Variants in CLSTN3 observed in about 807,000 individuals in gnomAD.
CLSTN3 encodes calsyntenin 3.
Under a neutral mutation model 95.9 loss-of-function variants are expected in CLSTN3, and 36 were observed. The ratio of observed to expected loss-of-function variants is 0.38; its 90% confidence interval spans 0.29 to 0.50. The LOEUF is 0.50. Ranked by LOEUF, CLSTN3 falls within the 20% of genes least tolerant of loss-of-function variation. The pLI is 0.95. For synonymous variants in CLSTN3, 481 were observed against 504.0 expected (o/e 0.95, Z 0.61); for missense variants, 1,084 against 1,268.8 (o/e 0.85, Z 2.21).
intron 8 of CLSTN3, chr12:7,138,716 C>T (rs1396548591): frequency 1.3e-5 from 2 of 150,748 alleles, no homozygotes; most frequent in East Asian, 3.9e-4. Context: ...GTTGCAGCCT[C>T]TTCATTATTT....
Position 7,153,434 on chromosome 12 carries a change from C to T in CLSTN3, c.2527+2371C>T, listed in dbSNP as rs191102581. 1.5e-4 allele frequency among the ~76,000 whole-genome samples: 23 copies of T among 152,236 alleles called. No homozygotes were observed. In the East Asian group the frequency reaches 4.4e-3, roughly 29 times the overall value. Reference sequence around the variant, plus strand: ...TGCTGGGATTACAGGTGTGAGCCGCCGCACTTGGACTTGCAGACGCCTTTT... The same window carrying T: ...TGCTGGGATTACAGGTGTGAGCCGCTGCACTTGGACTTGCAGACGCCTTTT... On this transcript the variant is annotated intron_variant, in intron 16 of 17. Transcript: ENST00000266546.
At chr12:7,130,289 G>C (rs1209188562), upstream of CLSTN3, 44 of 661,344 alleles carry the variant, frequency 6.7e-5, no homozygotes, top group Admixed American at 3.0e-4. Context: ...TCCCTCCCCC[G>C]CTGCAGCACC....
At position 7,150,850 on chromosome 12, in the gene CLSTN3, GA is replaced by G; in HGVS notation, c.2392-77del. 2 of 1,548,438 alleles carry G rather than the reference GA, an allele frequency of 1.3e-6. No homozygotes were observed. Among genetic ancestry groups the G allele is most frequent in the Non-Finnish European group, 8.8e-7 (1 of 1,140,934 alleles). On this transcript the variant is annotated intron_variant, in intron 15 of 17. Coordinates refer to ENST00000266546, the MANE Select transcript of CLSTN3 (RefSeq NM_014718.4). This position sits in a 1 kb window ranked among gnomAD's most constrained non-coding sequence, Gnocchi z 4.0. The stretch of plus-strand genomic sequence containing the variant: ...AGAAGGAGATGGGGGCAGTAGTTAG[GA>G]GATGGGGCTGGGGTCTAGAGAAGTG...
rs1245279688 is a variant in CLSTN3 at position 7,143,239 on chromosome 12, A to G, written c.1775A>G (p.His592Arg). 3 of 1,613,864 alleles carry G rather than the reference A, an allele frequency of 1.9e-6. No individual in the cohort carries two copies. Among genetic ancestry groups the G allele is most frequent in the Non-Finnish European group, 1.7e-6 (2 of 1,180,048 alleles). The change falls in exon 12 of 18, where the codon CAT (histidine) becomes CGT (arginine). Residue 592 changes from histidine (H) to arginine (R), a missense_variant. Physicochemically the swap from His to Arg is conservative, Grantham distance 29. Transcript: ENST00000266546. ...GAGACCTTCAACCATGCCCTGCAGCATGTGGCTTACATGAACACTCTGCGC... is the reference window on the plus strand; with the variant it reads ...GAGACCTTCAACCATGCCCTGCAGCGTGTGGCTTACATGAACACTCTGCGC... Reference protein sequence around the residue: ...DVETFNHALQHVAYMNTLRFA... With the variant: ...DVETFNHALQRVAYMNTLRFA...
In CLSTN3 at chr12:7,149,738, C is replaced by G. The variant is rs1335313735; in HGVS notation, c.2245+45C>G. On this transcript the variant is annotated intron_variant, in intron 14 of 17. Transcript: ENST00000266546. The surrounding 1 kb of genome is among the most constrained non-coding windows in gnomAD (Gnocchi z 4.5). ...CTGTCCTCTGTGTGTGTGTGCCCCT[C>G]CCAAAAAGTAAGGGCCTAGGAAGCC... 5 of 1,559,230 alleles carry G rather than the reference C, an allele frequency of 3.2e-6. No homozygotes were observed. The highest frequency in any genetic ancestry group is 3.5e-6 in the Non-Finnish European group (4 of 1,145,884).
chr12:7,132,693 T>C, intron 1 of CLSTN3: 14 of 576,864 alleles, frequency 2.4e-5, no homozygotes, highest in Middle Eastern at 4.6e-4. Flanking sequence ...CTCCATTCTC[T>C]AGCACGTGAA....
In CLSTN3 at chr12:7,149,018, T is replaced by C. The variant is rs1262304726; in HGVS notation, c.1894T>C (p.Tyr632His). ...CGTCTCCATCCCTGAAGTGGAGGGC[T>C]ACGTGGTCGTCCTTCAGCCTGACGC... ...SCVSIPEVEGYVVVLQPDAPQ... is the reference protein window; with the variant it reads ...SCVSIPEVEGHVVVLQPDAPQ... The change falls in exon 13 of 18, where the codon TAC (tyrosine) becomes CAC (histidine). Residue 632 changes from tyrosine (Y) to histidine (H), a missense_variant. Coordinates refer to ENST00000266546, the MANE Select transcript of CLSTN3 (RefSeq NM_014718.4). This position sits in a 1 kb window ranked among gnomAD's most constrained non-coding sequence, Gnocchi z 4.5. 2 of 1,614,200 alleles carry C rather than the reference T, an allele frequency of 1.2e-6. No homozygotes were observed. The highest frequency in any genetic ancestry group is 4.5e-5 in the East Asian group (2 of 44,884).
In CLSTN3 at chr12:7,149,710, G is replaced by T; in HGVS notation, c.2245+17G>T. 1 of 1,607,666 alleles carries T rather than the reference G, an allele frequency of 6.2e-7. No homozygotes were observed. Among genetic ancestry groups the T allele is most frequent in the Non-Finnish European group, 8.5e-7 (1 of 1,175,732 alleles). ...CTATTGCTGGTCAGTGGGGCCTGAG[G>T]GCCTGTCCTCTGTGTGTGTGTGCCC... is the stretch of plus-strand genomic sequence containing the variant. On this transcript the variant is annotated intron_variant, in intron 14 of 17. Coordinates refer to ENST00000266546, the MANE Select transcript of CLSTN3 (RefSeq NM_014718.4). This position sits in a 1 kb window ranked among gnomAD's most constrained non-coding sequence, Gnocchi z 4.5.
At chr12:7,146,298 G>A (rs1405301628) in intron 12 of CLSTN3, among the ~76,000 whole-genome samples, 2 of 152,170 alleles carry the variant, frequency 1.3e-5, no homozygotes, top group African/African-American at 4.8e-5. Context: ...TACTCAGGAG[G>A]CTGAGGTGGG....
At position 7,133,271 on chromosome 12, in the gene CLSTN3, T is replaced by C. The variant is rs1939341025; in HGVS notation, c.187+125T>C. The C allele has an allele frequency of 2.0e-5, 26 of 1,278,634 alleles. No individual in the cohort carries two copies. The South Asian group carries it at 3.5e-4, about 17-fold the overall frequency. The allele number at this position is 1,278,634 out of a possible 1,614,324, so 79.2% of individuals were successfully genotyped here. A position where few individuals can be genotyped will look rare whatever the true frequency, so the allele number is the denominator to read the frequency against. Reference sequence around the variant, plus strand: ...AAAGTAAGGGAAGATAAAAGTGGGCTCAAGGAGGGGAATGGTCTCCACTGA... The same window carrying C: ...AAAGTAAGGGAAGATAAAAGTGGGCCCAAGGAGGGGAATGGTCTCCACTGA... On this transcript the variant is annotated intron_variant, in intron 2 of 17. Coordinates refer to ENST00000266546, the MANE Select transcript of CLSTN3 (RefSeq NM_014718.4). The surrounding 1 kb of genome is among the most constrained non-coding windows in gnomAD (Gnocchi z 4.7).
At chr12:7,138,829 CAAAAAAAAAA>C (rs5796259) in intron 8 of CLSTN3, 3 of 43,192 alleles carry the variant, frequency 6.9e-5, no homozygotes, top group African/African-American at 1.0e-4. Context: ...AAGCAAACGG[CAAAAAAAAAA>C]AAAAAAAAAA....
intron 10 of CLSTN3, 130 bp from the exon 11 acceptor site, chr12:7,142,739 T>TTTTTC: frequency 1.5e-6 from 1 of 650,894 alleles, no homozygotes; most frequent in Non-Finnish European, 2.4e-6. Context: ...TTTTTTTGGT[T>TTTTTC]TCCACATTTC....
Position 7,143,108 on chromosome 12 carries a change from C to T in CLSTN3, c.1699-55C>T, listed in dbSNP as rs78081073. On this transcript the variant is annotated intron_variant, in intron 11 of 17. Coordinates refer to ENST00000266546, the MANE Select transcript of CLSTN3 (RefSeq NM_014718.4). ...TGCCCTACCCCTCTACCTCTGCTCC[C>T]TTCCTCTGCCACCTCCTGGCCCTGC... 2,594 of 1,599,944 alleles carry T rather than the reference C, an allele frequency of 1.6e-3. 40 individuals carry two copies. In the African/African-American group the frequency reaches 0.03, roughly 19 times the overall value.
In CLSTN3 at chr12:7,149,404, C is replaced by A; in HGVS notation, c.2075-119C>A. On this transcript the variant is annotated intron_variant, in intron 13 of 17. Transcript: ENST00000266546. This position sits in a 1 kb window ranked among gnomAD's most constrained non-coding sequence, Gnocchi z 4.5. ...CATAATGATATTCTTGAAAATGATGCTGACTTCCCTCTCCCTGGCCCTGGA... is the reference window on the plus strand; with the variant it reads ...CATAATGATATTCTTGAAAATGATGATGACTTCCCTCTCCCTGGCCCTGGA... 9.8e-7 allele frequency: 1 copy of A among 1,020,400 alleles called. No homozygotes were observed. The highest frequency in any genetic ancestry group is 1.5e-6 in the Non-Finnish European group (1 of 685,844). 63.2% of individuals were successfully genotyped at this position (1,020,400 alleles called of 1,614,324 possible). A position where few individuals can be genotyped will look rare whatever the true frequency, so the allele number is the denominator to read the frequency against.
chr12:7,141,077 G>A lies in CLSTN3; in HGVS notation c.1324-165G>A, dbSNP rs1565650815. Among the ~76,000 whole-genome samples the A allele has an allele frequency of 6.6e-6, 1 of 152,220 alleles. No individual in the cohort carries two copies. Among genetic ancestry groups the A allele is most frequent in the Non-Finnish European group, 1.5e-5 (1 of 68,032 alleles). On this transcript the variant is annotated intron_variant, in intron 8 of 17. Transcript: ENST00000266546. This position sits in a 1 kb window ranked among gnomAD's most constrained non-coding sequence, Gnocchi z 4.1. ...TGCCTGATAGATTTTGGACAAGGAT[G>A]TTATTCCTCGAGCTGGATAGGCAGC...
intron 5 of CLSTN3, 49 bp downstream of exon 5, chr12:7,136,002 G>GTC: frequency 6.4e-7 from 1 of 1,561,318 alleles, no homozygotes; most frequent in Non-Finnish European, 8.7e-7. Context: ...TTTTTTCTTG[G>GTC]TCTCTCTTTC....
At chr12:7,130,317 AGT>A, upstream of CLSTN3, 6 of 424,172 alleles carry the variant, frequency 1.4e-5, no homozygotes, top group Non-Finnish European at 1.5e-5. Flanking sequence ...CCCCCCTCCC[AGT>A]CACCTGATTG....
Position 7,142,079 on chromosome 12 carries a change from T to A in CLSTN3, c.1487-7T>A. On this transcript the variant is annotated splice_region_variant and splice_polypyrimidine_tract_variant and intron_variant, in intron 9 of 17. Coordinates refer to ENST00000266546, the MANE Select transcript of CLSTN3 (RefSeq NM_014718.4). ...CAGCACTGTTTTTTTTTTTTTTTTA[T>A]CCCCAGAGGAGAAGAACAAAGAGAA... 1.3e-6 allele frequency: 2 copies of A among 1,527,032 alleles called. No homozygotes were observed. The highest frequency in any genetic ancestry group is 1.8e-6 in the Non-Finnish European group (2 of 1,128,878). 94.6% of individuals were successfully genotyped at this position (1,527,032 alleles called of 1,614,324 possible).
At chr12:7,135,683 C>T (rs977935449) in intron 4 of CLSTN3, 121 bp from the exon 5 acceptor site, 3 of 1,402,508 alleles carry the variant, frequency 2.1e-6, no homozygotes, top group Admixed American at 3.9e-5. Context: ...TCCCAGATGC[C>T]TTTTTTCCCA....
Sources: gnomAD v4.1 joint callset for allele counts (sites outside exome capture counted in the v4.1 genomes callset) on GRCh38, gnomAD v4.1.1 for gene constraint, Gnocchi (gnomAD v3.1) non-coding constraint, MANE v1.5 for transcripts, NCBI Gene and HGNC (gene_info 2026-07-23, HGNC 2026-07-21) for gene names.